The following CSNK1G2 variants were observed in gnomAD, a reference collection of about 807,000 sequenced individuals.
The protein encoded by CSNK1G2 is casein kinase 1 gamma 2, also known as casein kinase I isoform gamma-2.
CSNK1G2 carries 11 observed loss-of-function variants against 48.0 expected under a neutral mutation model. The ratio of observed to expected loss-of-function variants is 0.23; its 90% CI spans 0.14 to 0.38. The LOEUF is 0.38. Ranked by LOEUF, CSNK1G2 falls within the 10% of genes least tolerant of loss-of-function variation. The probability of loss-of-function intolerance (pLI) is 1.00; values close to 1 mark genes in which losing one functional copy is unlikely to be tolerated. For missense variants in CSNK1G2, 446 were observed against 595.5 expected, an observed-to-expected ratio of 0.75 and a Z score of 2.61; for synonymous variants, 337 against 254.1, an observed-to-expected ratio of 1.33 and a Z score of -3.10.
intron 1 of CSNK1G2, chr19:1,953,473 G>C (rs756744299): frequency 3.7e-6 from 2 of 534,380 alleles, no homozygotes; most frequent in East Asian, 5.4e-5. Flanking sequence ...TGAGGCTCTG[G>C]AGTCCATGGC....
intron 1 of CSNK1G2, among the ~76,000 whole-genome samples, chr19:1,944,268 C>T (rs1282025553): frequency 2.0e-5 from 3 of 152,110 alleles, no homozygotes; most frequent in South Asian, 2.1e-4. Context: ...TGTTGGTTGG[C>T]GGCCTCTGTG....
intron 2 of CSNK1G2, chr19:1,975,440 C>G: frequency 1.0e-6 from 1 of 985,488 alleles, no homozygotes; most frequent in South Asian, 4.7e-5. Context: ...GAACTCCGCT[C>G]TGGAGAGTCA....
intron 2 of CSNK1G2, chr19:1,976,134 G>A: frequency 7.8e-7 from 1 of 1,283,912 alleles, no homozygotes; most frequent in Middle Eastern, 2.1e-4. Flanking sequence ...TGGGGCCTCG[G>A]CAATGAGTGT....
intron 1 of CSNK1G2, among the ~76,000 whole-genome samples, chr19:1,960,693 G>A (rs908307584): frequency 4.6e-5 from 7 of 152,154 alleles, no homozygotes; most frequent in African/African-American, 1.7e-4. Context: ...TTTGAGACCA[G>A]CCTGGCCAAC....
rs1478159938 is a variant in CSNK1G2 at position 1,976,153 on chromosome 19, T to A, written c.188-2152T>A. 4.9e-6 allele frequency: 6 copies of A among 1,234,200 alleles called. No homozygotes were observed. In the Admixed American group the frequency reaches 1.4e-4, roughly 29 times the overall value. The allele number at this position is 1,234,200 out of a possible 1,614,324, so 76.5% of individuals were successfully genotyped here. ...GCCTCGGCAATGAGTGTTGGGTGTT[T>A]GGGGCACGGCTCCTGTTGTTTTACG... is the stretch of plus-strand genomic sequence containing the variant. On this transcript the variant is annotated intron_variant, in intron 2 of 11. Coordinates refer to ENST00000255641, the MANE Select transcript of CSNK1G2 (RefSeq NM_001319.7).
At chr19:1,946,279 T>C (rs2014554753) in intron 1 of CSNK1G2, among the ~76,000 whole-genome samples, 1 of 131,462 alleles carries the variant, frequency 7.6e-6, no homozygotes, top group African/African-American at 2.5e-5. Flanking sequence ...TATTTATTTA[T>C]TTATTTATTT....
chr19:1,953,574 G>C, intron 1 of CSNK1G2: 2 of 482,490 alleles, frequency 4.1e-6, no homozygotes, highest in Non-Finnish European at 8.6e-6. Flanking sequence ...CAAGGCTGCC[G>C]GTGGTGTTTG....
Position 1,979,822 on chromosome 19 carries a change from A to T in CSNK1G2, c.1073A>T (p.His358Leu). The change falls in exon 10 of 12, where the codon CAC (histidine) becomes CTC (leucine). Residue 358 changes from histidine to leucine, a missense_variant. Physicochemically the swap from His to Leu is moderately conservative, Grantham distance 99. Coordinates refer to ENST00000255641, the MANE Select transcript of CSNK1G2 (RefSeq NM_001319.7). Reference protein sequence around the residue: ...QPQLRDKTQPHSKNQALNSTN... With the variant: ...QPQLRDKTQPLSKNQALNSTN... ...CAGCTCCGGGACAAAACCCAGCCGC[A>T]CAGCAAAAACCAGGTGAGGCCCGGG... 6.2e-7 allele frequency: 1 copy of T among 1,606,842 alleles called. No homozygotes were observed. Among genetic ancestry groups the T allele is most frequent in the Non-Finnish European group, 8.5e-7 (1 of 1,177,534 alleles).
intron 2 of CSNK1G2, among the ~76,000 whole-genome samples, chr19:1,977,591 A>G (rs1367209866): frequency 2.6e-5 from 4 of 152,072 alleles, no homozygotes; most frequent in African/African-American, 9.7e-5. Flanking sequence ...CGTCTCTACT[A>G]AAAATACAAA....
chr19:1,977,199 C>G (rs181328743), intron 2 of CSNK1G2, among the ~76,000 whole-genome samples: 263 of 152,324 alleles, frequency 1.7e-3, no homozygotes, highest in African/African-American at 6.1e-3. Context: ...AGCTATGGCC[C>G]CAGTGCCATC....
rs758389451 is a variant in CSNK1G2 at position 1,979,104 on chromosome 19, C to A, written c.682+11C>A. 3 of 1,583,614 alleles carry A rather than the reference C, an allele frequency of 1.9e-6. No individual in the cohort carries two copies. The highest frequency in any genetic ancestry group is 1.7e-4 in the Middle Eastern group (1 of 6,002). Reference sequence around the variant, plus strand: ...CGCACCTGGGCAAGGGTGAGCTGCGCGCGCGCGGCGGGGGGCGGGCGCCCG... The same window carrying A: ...CGCACCTGGGCAAGGGTGAGCTGCGAGCGCGCGGCGGGGGGCGGGCGCCCG... On this transcript the variant is annotated intron_variant, in intron 6 of 11. Coordinates refer to ENST00000255641, the MANE Select transcript of CSNK1G2 (RefSeq NM_001319.7).
rs548896775 is a variant in CSNK1G2, at chr19:1,943,757, C to T, written c.-266+2339C>T. The stretch of plus-strand genomic sequence containing the variant: ...CTTAGGGACAGCCGGAGTTGCTTGC[C>T]CTGGGGCATCTGGAGAGGGGGATCC... On this transcript the variant is annotated intron_variant, in intron 1 of 11. Coordinates refer to ENST00000255641, the MANE Select transcript of CSNK1G2 (RefSeq NM_001319.7). Among the ~76,000 whole-genome samples the T allele has an allele frequency of 1.8e-4, 28 of 152,308 alleles. 1 individual carries two copies. The South Asian group carries it at 5.6e-3, about 30-fold the overall frequency.
intron 2 of CSNK1G2, among the ~76,000 whole-genome samples, chr19:1,973,910 T>A (rs1003533654): frequency 3.3e-5 from 5 of 151,932 alleles, no homozygotes; most frequent in Admixed American, 1.3e-4. Context: ...TTTTTTGAGA[T>A]GGAGTCTTGC....
chr19:1,968,678 G>A (rs2015461243), intron 1 of CSNK1G2: 1 of 152,626 alleles, frequency 6.6e-6, no homozygotes, highest in African/African-American at 2.4e-5. Context: ...CTCAGGACCA[G>A]AGGCTTCTGT....
chr19:1,980,502 C>A lies in CSNK1G2; in HGVS notation c.*299C>A, dbSNP rs1436123692. 1 of 461,112 alleles carries A rather than the reference C, an allele frequency of 2.2e-6. No homozygotes were observed. Among genetic ancestry groups the A allele is most frequent in the South Asian group, 2.3e-5 (1 of 43,314 alleles). The allele number at this position is 461,112 out of a possible 1,614,324, so 28.6% of individuals were successfully genotyped here. A position where few individuals can be genotyped will look rare whatever the true frequency, so the allele number is the denominator to read the frequency against. Reference sequence around the variant, plus strand: ...AAAAAAACAGAGGCCCGCCCTACCCCACTCCTGCCCCTCCGTTTCTTTGCT... The same window carrying A: ...AAAAAAACAGAGGCCCGCCCTACCCAACTCCTGCCCCTCCGTTTCTTTGCT... On this transcript the variant is annotated 3_prime_UTR_variant, in exon 12 of 12. Coordinates refer to ENST00000255641, the MANE Select transcript of CSNK1G2 (RefSeq NM_001319.7).
chr19:1,956,865 G>C (rs949552232), intron 1 of CSNK1G2, among the ~76,000 whole-genome samples: 1 of 152,210 alleles, frequency 6.6e-6, no homozygotes, highest in African/African-American at 2.4e-5. Flanking sequence ...CGGAATTTAG[G>C]GCTCAGCCTC....
At chr19:1,963,885 T>C (rs1466333515) in intron 1 of CSNK1G2, among the ~76,000 whole-genome samples, 2 of 149,356 alleles carry the variant, frequency 1.3e-5, no homozygotes, top group African/African-American at 2.5e-5. Flanking sequence ...GGCACGATCT[T>C]GGCTCACTGC....
At chr19:1,961,455 C>G (rs1168279453) in intron 1 of CSNK1G2, among the ~76,000 whole-genome samples, 2 of 152,234 alleles carry the variant, frequency 1.3e-5, no homozygotes, top group Non-Finnish European at 2.9e-5. Flanking sequence ...GCCCAGCAGC[C>G]TATACTCCAG....
chr19:1,964,930 A>G (rs1323323797), intron 1 of CSNK1G2, among the ~76,000 whole-genome samples: 1 of 150,952 alleles, frequency 6.6e-6, no homozygotes, highest in African/African-American at 2.4e-5. Context: ...GTTTCAGCGT[A>G]TTAGCCAGGA....
Sources: gnomAD v4.1 joint callset for allele counts (sites outside exome capture counted in the v4.1 genomes callset) on GRCh38, gnomAD v4.1.1 for gene constraint, MANE v1.5 for transcripts, NCBI Gene and HGNC (gene_info 2026-07-23, HGNC 2026-07-21) for gene names.